PSMC3: variants seen among roughly 807,000 people sequenced by gnomAD.
The protein encoded by PSMC3 is proteasome 26S subunit, ATPase 3.
PSMC3 carries 11 observed loss-of-function variants against 52.0 expected under a neutral mutation model. That is an observed-to-expected ratio of 0.21 (90% confidence interval 0.13 to 0.35). The LOEUF (loss-of-function observed/expected upper bound fraction) is 0.35, where lower values mean the gene tolerates loss of function less well. Among genes scored for constraint, PSMC3 ranks in the 10% least tolerant of loss-of-function variants. The pLI is 1.00. For synonymous variants in PSMC3, 201 were observed against 218.8 expected, an observed-to-expected ratio of 0.92 and a Z score of 0.72; for missense variants, 238 against 567.1, an observed-to-expected ratio of 0.42 and a Z score of 5.89.
At position 47,422,534 on chromosome 11, in the gene PSMC3, C is replaced by T. The variant is rs763801205; in HGVS notation, c.884+40G>A. ...CTGAGAGTCAACCCGCTTCCCCTTACCGCCACAGAGATCGCTAGGGACCCT... is the reference window on the plus strand; with the variant it reads ...CTGAGAGTCAACCCGCTTCCCCTTATCGCCACAGAGATCGCTAGGGACCCT... On this transcript the variant is annotated intron_variant, in intron 8 of 11. Transcript: ENST00000298852. This position sits in a 1 kb window ranked among gnomAD's most constrained non-coding sequence, Gnocchi z 4.3. 2 of 1,609,882 alleles carry T rather than the reference C, an allele frequency of 1.2e-6. No homozygotes were observed. The highest frequency in any genetic ancestry group is 1.7e-6 in the Non-Finnish European group (2 of 1,177,040).
chr11:47,420,745 C>A lies in PSMC3; in HGVS notation c.885-18G>T. ...TGTCAAAGCTAGGGCACAGGAAGCC[C>A]GAGATGCTGGTGAGGGCACAGCTTA... On this transcript the variant is annotated intron_variant, in intron 8 of 11. Coordinates refer to ENST00000298852, the MANE Select transcript of PSMC3 (RefSeq NM_002804.5). The A allele has an allele frequency of 6.4e-7, 1 of 1,552,366 alleles. No individual in the cohort carries two copies.
At position 47,424,361 on chromosome 11, in the gene PSMC3, A is replaced by G; in HGVS notation, c.453+68T>C. ...CTGCCAAGATTCAGAGCCAACAGTG[A>G]CCTGGGGCGGGTACAGGGGCTCAGC... is the stretch of plus-strand genomic sequence containing the variant. On this transcript the variant is annotated intron_variant, in intron 5 of 11. Coordinates refer to ENST00000298852, the MANE Select transcript of PSMC3 (RefSeq NM_002804.5). This position sits in a 1 kb window ranked among gnomAD's most constrained non-coding sequence, Gnocchi z 4.8. 1.3e-6 allele frequency: 2 copies of G among 1,578,200 alleles called. No homozygotes were observed. Among genetic ancestry groups the G allele is most frequent in the South Asian group, 2.2e-5 (2 of 90,142 alleles).
chr11:47,423,789 C>T (rs1315569310), intron 6 of PSMC3, among the ~76,000 whole-genome samples: 3 of 24,550 alleles, frequency 1.2e-4, no homozygotes, highest in African/African-American at 1.5e-4. Flanking sequence ...AACTCCATCT[C>T]GGAAAAAAAA....
At position 47,422,448 on chromosome 11, in the gene PSMC3, G is replaced by C; in HGVS notation, c.884+126C>G. 1 of 1,168,558 alleles carries C rather than the reference G, an allele frequency of 8.6e-7. No individual in the cohort carries two copies. 72.4% of individuals were successfully genotyped at this position (1,168,558 alleles called of 1,614,324 possible). ...TAGGAATTGGAATCTCAAGAGTTGAGGAGCCACCATCCAGGGGCAGGAGGG... is the reference window on the plus strand; with the variant it reads ...TAGGAATTGGAATCTCAAGAGTTGACGAGCCACCATCCAGGGGCAGGAGGG... On this transcript the variant is annotated intron_variant, in intron 8 of 11. Coordinates refer to ENST00000298852, the MANE Select transcript of PSMC3 (RefSeq NM_002804.5). The surrounding 1 kb of genome is among the most constrained non-coding windows in gnomAD (Gnocchi z 4.3).
Position 47,418,934 on chromosome 11 carries a change from T to C in PSMC3, c.1221A>G (p.Ala407=). The change falls in exon 12 of 12, where the codon GCA becomes GCG. Residue 407 remains alanine (A), a synonymous_variant. Coordinates refer to ENST00000298852, the MANE Select transcript of PSMC3 (RefSeq NM_002804.5). ...TGAGCTCCGTGGCACCCCTGCGCAG[T>C]GCGATCATGCCCTACAGCCGGGACA... The part of the protein sequence containing the change: ...KAVCVEAGMI[A]LRRGATELTH... The C allele has an allele frequency of 6.2e-7, 1 of 1,614,128 alleles. No individual in the cohort carries two copies. Among genetic ancestry groups the C allele is most frequent in the Non-Finnish European group, 8.5e-7 (1 of 1,179,980 alleles).
chr11:47,425,964 T>G lies in PSMC3; in HGVS notation c.76-14A>C. ...AATTCCATCTTGCTGTAAAAAATTA[T>G]TTGTTTATTTATATATTTACTTTTA... On this transcript the variant is annotated splice_polypyrimidine_tract_variant and intron_variant, in intron 1 of 11. Transcript: ENST00000298852. 1 of 1,604,254 alleles carries G rather than the reference T, an allele frequency of 6.2e-7. No homozygotes were observed. Among genetic ancestry groups the G allele is most frequent in the Non-Finnish European group, 8.5e-7 (1 of 1,171,274 alleles).
At position 47,424,346 on chromosome 11, in the gene PSMC3, T is replaced by A; in HGVS notation, c.453+83A>T. ...ACTCTCGGAGCTGTTCTGCCAAGATTCAGAGCCAACAGTGACCTGGGGCGG... is the reference window on the plus strand; with the variant it reads ...ACTCTCGGAGCTGTTCTGCCAAGATACAGAGCCAACAGTGACCTGGGGCGG... On this transcript the variant is annotated intron_variant, in intron 5 of 11. Coordinates refer to ENST00000298852, the MANE Select transcript of PSMC3 (RefSeq NM_002804.5). The surrounding 1 kb of genome is among the most constrained non-coding windows in gnomAD (Gnocchi z 4.8). 6.4e-7 allele frequency: 1 copy of A among 1,570,852 alleles called. No homozygotes were observed. The highest frequency in any genetic ancestry group is 8.8e-7 in the Non-Finnish European group (1 of 1,141,848).
chr11:47,422,536 G>A lies in PSMC3; in HGVS notation c.884+38C>T, dbSNP rs115733721. 1.3e-4 allele frequency: 208 copies of A among 1,610,002 alleles called. No homozygotes were observed. In the African/African-American group the frequency reaches 2.1e-3, roughly 16 times the overall value. ...GAGAGTCAACCCGCTTCCCCTTACC[G>A]CCACAGAGATCGCTAGGGACCCTTG... On this transcript the variant is annotated intron_variant, in intron 8 of 11. Coordinates refer to ENST00000298852, the MANE Select transcript of PSMC3 (RefSeq NM_002804.5). The surrounding 1 kb of genome is among the most constrained non-coding windows in gnomAD (Gnocchi z 4.3).
rs1489954178 is a variant in PSMC3 at position 47,419,131 on chromosome 11, A to C, written c.1194T>G (p.Ala398=). The C allele has an allele frequency of 6.2e-7, 1 of 1,614,044 alleles. No homozygotes were observed. The highest frequency in any genetic ancestry group is 1.1e-5 in the South Asian group (1 of 91,090). The change falls in exon 11 of 12, where the codon GCT becomes GCG. Residue 398 remains alanine, a synonymous_variant. Coordinates refer to ENST00000298852, the MANE Select transcript of PSMC3 (RefSeq NM_002804.5). ...TDDFNGAQCK[A]VCVEAGMIAL... is the part of the protein sequence containing the mutation. ...GACCACTCACCGCCTCCACACACAC[A>C]GCCTTGCACTGGGCCCCATTGAAGT...
rs149980011 is a variant in PSMC3 at position 47,420,540 on chromosome 11, C to A, written c.981+91G>T. The A allele has an allele frequency of 5.5e-5, 83 of 1,508,860 alleles. No homozygotes were observed. In the East Asian group the frequency reaches 1.8e-3, roughly 34 times the overall value. 93.5% of individuals were successfully genotyped at this position (1,508,860 alleles called of 1,614,324 possible). A position where few individuals can be genotyped will look rare whatever the true frequency, so the allele number is the denominator to read the frequency against. Reference sequence around the variant, plus strand: ...GGGATGTTAAAGACAGATCCCAATTCTCATTCCAGCTCCACCACTGGCTAG... The same window carrying A: ...GGGATGTTAAAGACAGATCCCAATTATCATTCCAGCTCCACCACTGGCTAG... On this transcript the variant is annotated intron_variant, in intron 9 of 11. Transcript: ENST00000298852.
At chr11:47,425,686 C>A (rs551875996) in intron 2 of PSMC3, 181 bp downstream of exon 2, 9 of 588,200 alleles carry the variant, frequency 1.5e-5, no homozygotes, top group African/African-American at 9.3e-5. Context: ...CCCACCACCC[C>A]CTACCTGTCT....
At chr11:47,425,978 T>C in intron 1 of PSMC3, 28 bp from the exon 2 acceptor site, 1 of 1,587,892 alleles carries the variant, frequency 6.3e-7, no homozygotes, top group Non-Finnish European at 8.6e-7. Context: ...TTTATTTATA[T>C]ATTTACTTTT....
At chr11:47,425,301 G>C in intron 2 of PSMC3, 55 bp from the exon 3 acceptor site, 1 of 1,607,552 alleles carries the variant, frequency 6.2e-7, no homozygotes, top group South Asian at 1.1e-5. Context: ...GCTTATGCTA[G>C]AGCCCTGTAA....
chr11:47,421,321 C>G (rs557769511), intron 8 of PSMC3, among the ~76,000 whole-genome samples: 1 of 147,040 alleles, frequency 6.8e-6, no homozygotes, highest in East Asian at 2.0e-4. Context: ...TGAATGTACA[C>G]TTGCAAACTG....
chr11:47,422,725 G>A lies in PSMC3; in HGVS notation c.736-3C>T, dbSNP rs754011197. The stretch of plus-strand genomic sequence containing the variant: ...CCAGCCAGCTTTAGGAAGGTGGCCT[G>A]GCAGGAAAAGGTGGTAGAGTCAGGT... On this transcript the variant is annotated splice_polypyrimidine_tract_variant and splice_region_variant and intron_variant, in intron 7 of 11. Coordinates refer to ENST00000298852, the MANE Select transcript of PSMC3 (RefSeq NM_002804.5). This position sits in a 1 kb window ranked among gnomAD's most constrained non-coding sequence, Gnocchi z 4.3. 1.9e-6 allele frequency: 3 copies of A among 1,614,110 alleles called. No homozygotes were observed. The South Asian group carries it at 3.3e-5, about 18-fold the overall frequency.
At chr11:47,423,589 CCAGCCTGACCAACATG>C (rs2096043221) in intron 6 of PSMC3, among the ~76,000 whole-genome samples, 2 of 152,058 alleles carry the variant, frequency 1.3e-5, no homozygotes, top group African/African-American at 4.8e-5. Flanking sequence ...GAGTTCGAGA[CCAGCCTGACCAACATG>C]GAGAAACCCC....
At chr11:47,419,444 C>G (rs2096037327) in intron 10 of PSMC3, among the ~76,000 whole-genome samples, 1 of 152,222 alleles carries the variant, frequency 6.6e-6, no homozygotes, top group African/African-American at 2.4e-5. Flanking sequence ...AAATCTGCAT[C>G]TGGGACTCCA....
intron 8 of PSMC3, among the ~76,000 whole-genome samples, chr11:47,421,458 G>A (rs1292623564): frequency 6.6e-6 from 1 of 151,986 alleles, no homozygotes; most frequent in Non-Finnish European, 1.5e-5. Flanking sequence ...ACACCAGCTA[G>A]GCAACCAACC....
intron 10 of PSMC3, 105 bp from the exon 11 acceptor site, chr11:47,419,302 G>T: frequency 8.5e-7 from 1 of 1,182,454 alleles, no homozygotes; most frequent in Non-Finnish European, 1.2e-6. Context: ...AAGTTGCCCT[G>T]TGATCAGAGG....
Sources: gnomAD v4.1 joint callset for allele counts (sites outside exome capture counted in the v4.1 genomes callset) on GRCh38, gnomAD v4.1.1 for gene constraint, Gnocchi (gnomAD v3.1) non-coding constraint, MANE v1.5 for transcripts, NCBI Gene and HGNC (gene_info 2026-07-23, HGNC 2026-07-21) for gene names.